The following CYP2J2 variants were observed in gnomAD, a reference collection of about 807,000 sequenced individuals.
CYP2J2 encodes cytochrome P450 family 2 subfamily J member 2, also known as cytochrome P450 2J2.
CYP2J2 carries 41 observed loss-of-function variants against 48.8 expected under a neutral mutation model. That is an observed-to-expected ratio of 0.84 (90% CI 0.66 to 1.09). CYP2J2 has a LOEUF of 1.09. CYP2J2 is among the 50% of genes least tolerant of loss of function. The pLI is 0.00. For missense variants in CYP2J2, 644 were observed against 617.3 expected, an observed-to-expected ratio of 1.04 and a Z score of -0.46; for synonymous variants, 221 against 227.1, an observed-to-expected ratio of 0.97 and a Z score of 0.24.
chr1:59,941,009 GAGAA>G, the CYP2J2 span, among the ~76,000 whole-genome samples: 1 of 152,302 alleles, frequency 6.6e-6, no homozygotes, highest in African/African-American at 2.4e-5. Flanking sequence ...AGGGATGAAG[GAGAA>G]AGAGAGGTAG....
At chr1:59,939,222 T>C in the CYP2J2 span, among the ~76,000 whole-genome samples, 1 of 152,300 alleles carries the variant, frequency 6.6e-6, no homozygotes, top group African/African-American at 2.4e-5. Context: ...TTGTATCCGT[T>C]CTTCCTGGGA....
intron 5 of CYP2J2, 76 bp downstream of exon 5, chr1:59,909,708 A>T: frequency 1.9e-6 from 2 of 1,072,934 alleles, no homozygotes; most frequent in Non-Finnish European, 2.7e-6. Flanking sequence ...ATCATATTTT[A>T]CAGCAGCAGT....
the CYP2J2 span, among the ~76,000 whole-genome samples, chr1:59,947,431 C>G: frequency 6.6e-6 from 1 of 152,124 alleles, no homozygotes; most frequent in African/African-American, 2.4e-5. Flanking sequence ...CCCAAGAGTG[C>G]AGTTAATTGG....
rs1481974412 is a variant in CYP2J2 at position 59,911,618 on chromosome 1, T to A, written c.674A>T (p.Lys225Met). 1.2e-6 allele frequency: 2 copies of A among 1,608,620 alleles called. No individual in the cohort carries two copies. Among genetic ancestry groups the A allele is most frequent in the Non-Finnish European group, 1.7e-6 (2 of 1,177,164 alleles). ...AGACAGCTGCCTTACCTGGCATGTC[T>A]TTGAAGCCTCCAAGTATGTGACTTC... Reference protein sequence around the residue: ...LDEVTYLEASKTCQLYNVFPW... With the variant: ...LDEVTYLEASMTCQLYNVFPW... Residue 225 changes from lysine to methionine, a missense_variant, in exon 4 of 9, where the codon AAG becomes ATG. Physicochemically the swap from Lys to Met is moderately conservative, Grantham distance 95. Coordinates refer to ENST00000371204, the MANE Select transcript of CYP2J2 (RefSeq NM_000775.4).
At chr1:59,949,881 A>G in the CYP2J2 span, among the ~76,000 whole-genome samples, 1 of 151,258 alleles carries the variant, frequency 6.6e-6, no homozygotes, top group East Asian at 1.9e-4. Context: ...GACTTCTGCT[A>G]TTGTTTGCCT....
chr1:59,910,391 T>C (rs1370106725), intron 4 of CYP2J2, among the ~76,000 whole-genome samples: 1 of 152,130 alleles, frequency 6.6e-6, no homozygotes. Context: ...TCAGGGACAG[T>C]GGGAATGTGG....
At chr1:59,947,903 C>T in the CYP2J2 span, among the ~76,000 whole-genome samples, 1 of 151,792 alleles carries the variant, frequency 6.6e-6, no homozygotes, top group African/African-American at 2.4e-5. Context: ...TATTTGAAAA[C>T]TTAGCTTAAA....
the CYP2J2 span, among the ~76,000 whole-genome samples, chr1:59,934,898 A>G: frequency 6.7e-6 from 1 of 149,928 alleles, no homozygotes; most frequent in Non-Finnish European, 1.5e-5. Context: ...AGATAACTGC[A>G]TTGCTATATT....
the CYP2J2 span, among the ~76,000 whole-genome samples, chr1:59,936,783 T>C: frequency 6.6e-6 from 1 of 152,166 alleles, no homozygotes; most frequent in South Asian, 2.1e-4. Flanking sequence ...TATTCCCTGA[T>C]GGAGTGATAT....
At chr1:59,896,777 G>T (rs1644273574) in intron 8 of CYP2J2, among the ~76,000 whole-genome samples, 1 of 152,064 alleles carries the variant, frequency 6.6e-6, no homozygotes. Context: ...TAAAAAGCAT[G>T]AAAAAGAAAG....
At chr1:59,903,845 T>A (rs867508071) in intron 7 of CYP2J2, among the ~76,000 whole-genome samples, 2 of 152,194 alleles carry the variant, frequency 1.3e-5, no homozygotes, top group Non-Finnish European at 2.9e-5. Context: ...CAACTCTTCA[T>A]AGTTGAGAGA....
chr1:59,942,833 A>C, the CYP2J2 span, among the ~76,000 whole-genome samples: 1 of 152,224 alleles, frequency 6.6e-6, no homozygotes, highest in African/African-American at 2.4e-5. Context: ...GATAATAACA[A>C]TCATATCTTT....
At chr1:59,959,626 ATATG>A in the CYP2J2 span, among the ~76,000 whole-genome samples, 45 of 152,228 alleles carry the variant, frequency 3.0e-4, no homozygotes, top group African/African-American at 9.9e-4. Context: ...TATGTGATAT[ATATG>A]TGTGTGATAT....
In CYP2J2 at chr1:59,924,839, C is replaced by A. The variant is rs1001059941; in HGVS notation, c.210+1698G>T. On this transcript the variant is annotated intron_variant, in intron 1 of 8. Transcript: ENST00000371204. ...AATTACATTAAATATAAATAGTCTA[C>A]ATTCACCAATTAAAAGACAGAGATT... Among the ~76,000 whole-genome samples, 5 of 151,818 alleles carry A rather than the reference C, an allele frequency of 3.3e-5. No individual in the cohort carries two copies. The South Asian group carries it at 1.0e-3, about 31-fold the overall frequency.
At chr1:59,902,877 A>G (rs1352903678) in intron 7 of CYP2J2, among the ~76,000 whole-genome samples, 5 of 152,198 alleles carry the variant, frequency 3.3e-5, no homozygotes, top group Non-Finnish European at 7.3e-5. Flanking sequence ...GCCCAGAGTC[A>G]GAGAGTGGGA....
At chr1:59,935,595 A>G in the CYP2J2 span, among the ~76,000 whole-genome samples, 1 of 152,214 alleles carries the variant, frequency 6.6e-6, no homozygotes, top group Non-Finnish European at 1.5e-5. Context: ...AAAGAAAAGA[A>G]AAGAGAAATA....
the CYP2J2 span, among the ~76,000 whole-genome samples, chr1:59,932,039 G>A: frequency 6.6e-6 from 1 of 152,022 alleles, no homozygotes; most frequent in Non-Finnish European, 1.5e-5. Flanking sequence ...TTTTTACTAA[G>A]TAGTAACTTG....
upstream of CYP2J2, among the ~76,000 whole-genome samples, chr1:59,931,147 C>T (rs143452473): frequency 6.1e-4 from 93 of 152,122 alleles, 2 homozygotes; most frequent in East Asian, 0.013. Context: ...ACACACAATC[C>T]GGGTAAATGC....
Position 59,909,818 on chromosome 1 carries a change from T to C in CYP2J2, c.827A>G (p.Asp276Gly), listed in dbSNP as rs1644396080. Residue 276 changes from aspartate (D) to glycine (G), a missense_variant, in exon 5 of 9, where the codon GAC becomes GGC. Transcript: ENST00000371204. ...RKDWNPAETR[D>G]FIDAYLKEMS... ...TTCTTTAAGGTAAGCATCAATAAAGTCTCTTGTTTCTGCAGGATTCCAATC... is the reference window on the plus strand; with the variant it reads ...TTCTTTAAGGTAAGCATCAATAAAGCCTCTTGTTTCTGCAGGATTCCAATC... 6.3e-7 allele frequency: 1 copy of C among 1,598,000 alleles called. No homozygotes were observed. The highest frequency in any genetic ancestry group is 1.4e-5 in the African/African-American group (1 of 73,512).
Sources: gnomAD v4.1 joint callset for allele counts (sites outside exome capture counted in the v4.1 genomes callset) on GRCh38, gnomAD v4.1.1 for gene constraint, MANE v1.5 for transcripts, NCBI Gene and HGNC (gene_info 2026-07-23, HGNC 2026-07-21) for gene names.